The following ANTXR2 variants were observed in gnomAD, a reference collection of about 807,000 sequenced individuals.
ANTXR2 encodes the protein ANTXR cell adhesion molecule 2, also known as anthrax toxin receptor 2.
ANTXR2 carries 44 observed loss-of-function variants against 73.7 expected under a neutral mutation model. The ratio of observed to expected loss-of-function variants is 0.60; its 90% CI spans 0.47 to 0.77. The LOEUF (loss-of-function observed/expected upper bound fraction) is 0.77. Ranked by LOEUF, ANTXR2 falls within the 30% of genes least tolerant of loss-of-function variation. The pLI, the probability that ANTXR2 is intolerant of heterozygous loss-of-function variation, is 0.00. For missense variants in ANTXR2, 604 were observed against 592.5 expected (o/e 1.02, Z -0.20); for synonymous variants, 217 against 205.9 (o/e 1.05, Z -0.46).
At position 80,055,208 on chromosome 4, in the gene ANTXR2, G is replaced by T. The variant is rs1016209439; in HGVS notation, c.497C>A (p.Ser166Tyr). ...ATAAACACTAGCCCCAAGTGACCTG[G>T]ATATCTTTGCCTATGGAGAATGAGG... The part of the protein sequence containing the change: ...PSYAEKEAKI[S>Y]RSLGASVYCV... Residue 166 changes from serine (S) to tyrosine (Y), a missense_variant, in exon 6 of 17, where the codon TCC becomes TAC. Physicochemically the swap from Ser to Tyr is moderately radical, Grantham distance 144. Coordinates refer to ENST00000403729, the MANE Select transcript of ANTXR2 (RefSeq NM_058172.6). 7 of 1,568,678 alleles carry T rather than the reference G, an allele frequency of 4.5e-6. No individual in the cohort carries two copies. The Admixed American group carries it at 7.5e-5, about 17-fold the overall frequency.
In ANTXR2 at chr4:79,906,984, G is replaced by A. The variant is rs1726936816; in HGVS notation, c.*445C>T. ...GTGGGAAATTTCATACTCTGCCTATGGATAAAGATCTTGCCACATAAAAAC... is the reference window on the plus strand; with the variant it reads ...GTGGGAAATTTCATACTCTGCCTATAGATAAAGATCTTGCCACATAAAAAC... On this transcript the variant is annotated 3_prime_UTR_variant, in exon 17 of 17. Transcript: ENST00000403729. 1 of 198,998 alleles carries A rather than the reference G, an allele frequency of 5.0e-6. No individual in the cohort carries two copies. Among genetic ancestry groups the A allele is most frequent in the Non-Finnish European group, 1.0e-5 (1 of 99,770 alleles). The allele number at this position is 198,998 out of a possible 1,614,324, so 12.3% of individuals were successfully genotyped here. A position where few individuals can be genotyped will look rare whatever the true frequency, so the allele number is the denominator to read the frequency against.
chr4:79,988,329 CA>C (rs923528568), intron 12 of ANTXR2, among the ~76,000 whole-genome samples: 8 of 125,680 alleles, frequency 6.4e-5, no homozygotes, highest in African/African-American at 1.9e-4. Flanking sequence ...AAACAGAAAA[CA>C]AAAAAATAAG....
chr4:80,050,442 A>G (rs1733721120), intron 7 of ANTXR2, among the ~76,000 whole-genome samples: 1 of 151,656 alleles, frequency 6.6e-6, no homozygotes, highest in Non-Finnish European at 1.5e-5. Context: ...ACTGCCCGAC[A>G]GAAGGATCAG....
intron 16 of ANTXR2, among the ~76,000 whole-genome samples, chr4:79,946,962 T>C: frequency 6.6e-6 from 1 of 152,136 alleles, no homozygotes; most frequent in East Asian, 1.9e-4. Context: ...TTACTGAAGA[T>C]TTAAATGCCC....
chr4:79,945,552 A>C (rs1264597779), intron 16 of ANTXR2, among the ~76,000 whole-genome samples: 1 of 152,180 alleles, frequency 6.6e-6, no homozygotes, highest in Non-Finnish European at 1.5e-5. Flanking sequence ...AATAAAGCTG[A>C]AAGAAATTTT....
At chr4:79,984,078 A>T in intron 13 of ANTXR2, 108 bp from the exon 14 acceptor site, 1 of 787,784 alleles carries the variant, frequency 1.3e-6, no homozygotes, top group East Asian at 2.8e-5. Flanking sequence ...ATTACTATGG[A>T]AAAAACTATG....
rs181915950 is a variant in ANTXR2 at position 79,930,383 on chromosome 4, T to C, written c.1429-22916A>G. ...ACAAGCTAGTACTCAAGGAAAGCTG[T>C]GGATTAACTACATTAAGTTCTAAAA... On this transcript the variant is annotated intron_variant, in intron 16 of 16. Coordinates refer to ENST00000403729, the MANE Select transcript of ANTXR2 (RefSeq NM_058172.6). Among the ~76,000 whole-genome samples the C allele has an allele frequency of 3.9e-5, 6 of 152,302 alleles. No individual in the cohort carries two copies. The East Asian group carries it at 1.2e-3, about 29-fold the overall frequency.
chr4:79,977,990 A>C lies in ANTXR2; in HGVS notation c.1347+17T>G, dbSNP rs768421496. The C allele has an allele frequency of 6.4e-7, 1 of 1,561,940 alleles. No individual in the cohort carries two copies. The highest frequency in any genetic ancestry group is 2.1e-5 in the Admixed American group (1 of 48,004). ...CCAGAAGTTTTGAGTTAAATTACAC[A>C]AAATCTGGACACATACCTTAATTGG... On this transcript the variant is annotated intron_variant, in intron 15 of 16. Transcript: ENST00000403729.
Position 79,910,378 on chromosome 4 carries a change from G to A in ANTXR2, c.1429-2911C>T, listed in dbSNP as rs545894956. Among the ~76,000 whole-genome samples, 17 of 151,544 alleles carry A rather than the reference G, an allele frequency of 1.1e-4. No homozygotes were observed. The East Asian group carries it at 1.4e-3, about 12-fold the overall frequency. On this transcript the variant is annotated intron_variant, in intron 16 of 16. Transcript: ENST00000403729. ...ATAAAAATTAGCTGGGCGTGGTAGC[G>A]CATGCCTGTAGTCCCAGCTACTCCA...
At chr4:79,943,915 C>T (rs1008461802) in intron 16 of ANTXR2, among the ~76,000 whole-genome samples, 1 of 150,110 alleles carries the variant, frequency 6.7e-6, no homozygotes, top group Non-Finnish European at 1.5e-5. Flanking sequence ...CAAAAGTTAT[C>T]ATGAGTTTGA....
At chr4:80,005,709 G>A (rs1384826525) in intron 12 of ANTXR2, among the ~76,000 whole-genome samples, 1 of 151,966 alleles carries the variant, frequency 6.6e-6, no homozygotes, top group Non-Finnish European at 1.5e-5. Context: ...TATATTTAAG[G>A]TGCAATATCT....
intron 12 of ANTXR2, among the ~76,000 whole-genome samples, chr4:80,005,595 A>G (rs1731266142): frequency 6.6e-6 from 1 of 152,112 alleles, no homozygotes; most frequent in Non-Finnish European, 1.5e-5. Flanking sequence ...GGTTATTGTC[A>G]CACTACCTCC....
chr4:80,031,592 GT>G, intron 10 of ANTXR2, 30 bp downstream of exon 10: 1 of 1,379,908 alleles, frequency 7.2e-7, no homozygotes, highest in Non-Finnish European at 9.6e-7. Flanking sequence ...TACTAAAAAT[GT>G]TATAAAATTG....
At chr4:79,920,072 A>AT (rs1376455407) in intron 16 of ANTXR2, among the ~76,000 whole-genome samples, 2 of 151,440 alleles carry the variant, frequency 1.3e-5, no homozygotes, top group Non-Finnish European at 2.9e-5. Flanking sequence ...TTAACTCACC[A>AT]TTTTTTTCCC....
chr4:79,916,196 A>C (rs1727349126), intron 16 of ANTXR2, among the ~76,000 whole-genome samples: 1 of 152,096 alleles, frequency 6.6e-6, no homozygotes, highest in African/African-American at 2.4e-5. Flanking sequence ...AAATTCAGGC[A>C]TACAGTTGGC....
chr4:79,964,877 T>A (rs1729297149), intron 16 of ANTXR2: 1 of 152,258 alleles, frequency 6.6e-6, no homozygotes, highest in African/African-American at 2.4e-5. Flanking sequence ...CTCGGAGGAC[T>A]TCCCGCCGCA....
At chr4:80,024,906 G>A (rs1732355304) in intron 10 of ANTXR2, among the ~76,000 whole-genome samples, 1 of 152,230 alleles carries the variant, frequency 6.6e-6, no homozygotes, top group African/African-American at 2.4e-5. Flanking sequence ...GGCACCTTGT[G>A]CAGATAATAC....
intron 12 of ANTXR2, among the ~76,000 whole-genome samples, chr4:79,988,226 A>T (rs2110026037): frequency 9.4e-6 from 1 of 106,410 alleles, no homozygotes; most frequent in Non-Finnish European, 1.9e-5. Context: ...TCTCACATAA[A>T]TTTTATATAT....
intron 16 of ANTXR2, among the ~76,000 whole-genome samples, chr4:79,920,532 G>A (rs1578083461): frequency 1.3e-5 from 2 of 152,074 alleles, no homozygotes; most frequent in East Asian, 3.9e-4. Flanking sequence ...TTGGGGATGA[G>A]TGCTGGAGAA....
Sources: allele counts gnomAD v4.1 joint callset (sites outside exome capture counted in the v4.1 genomes callset), GRCh38; gene constraint gnomAD v4.1.1; transcripts MANE v1.5; gene names NCBI Gene and HGNC (gene_info 2026-07-23, HGNC 2026-07-21).